CEP128: variants seen among roughly 807,000 people sequenced by gnomAD.
CEP128 encodes centrosomal protein 128kDa.
In CEP128, 132 loss-of-function variants were observed where a neutral mutation model predicts 156.7. That is an observed-to-expected ratio of 0.84 (90% CI 0.73 to 0.97). The LOEUF is 0.97. Ranked by LOEUF, CEP128 falls within the 50% of genes least tolerant of loss-of-function variation. The pLI is 0.00. For missense variants in CEP128, 1,252 were observed against 1,281.9 expected, an observed-to-expected ratio of 0.98 and a Z score of 0.36; for synonymous variants, 469 against 448.9, an observed-to-expected ratio of 1.04 and a Z score of -0.57.
At position 80,956,852 on chromosome 14, in the gene CEP128, C is replaced by T. The variant is rs1886720885; in HGVS notation, c.-172+1326G>A. Reference sequence around the variant, plus strand: ...TCAGAGATATCCTAGTGTCTTAGCACACCTGAATTAATTAGTTCAATAACC... The same window carrying T: ...TCAGAGATATCCTAGTGTCTTAGCATACCTGAATTAATTAGTTCAATAACC... On this transcript the variant is annotated intron_variant, in intron 2 of 7. Coordinates refer to the CEP128 transcript ENST00000555529. 4.6e-5 allele frequency among the ~76,000 whole-genome samples: 7 copies of T among 152,252 alleles called. No individual in the cohort carries two copies. The South Asian group carries it at 1.5e-3, about 32-fold the overall frequency.
At chr14:80,657,531 A>G (rs935103194) in intron 19 of CEP128, among the ~76,000 whole-genome samples, 6 of 151,964 alleles carry the variant, frequency 3.9e-5, no homozygotes, top group African/African-American at 1.5e-4. Flanking sequence ...CGCGCCTGTA[A>G]TCCCAGGTAC....
At chr14:80,533,252 A>G (rs1361635915) in intron 21 of CEP128, among the ~76,000 whole-genome samples, 1 of 152,188 alleles carries the variant, frequency 6.6e-6, no homozygotes, top group Non-Finnish European at 1.5e-5. Flanking sequence ...ATGATTTTAA[A>G]TCAAAATTTT....
At chr14:80,698,643 T>A (rs80157446) in intron 19 of CEP128, among the ~76,000 whole-genome samples, 4 of 152,106 alleles carry the variant, frequency 2.6e-5, no homozygotes, top group Non-Finnish European at 5.9e-5. Context: ...ATTAAAGGAG[T>A]CATTTGAATG....
chr14:80,906,037 T>C lies in CEP128; in HGVS notation c.279A>G (p.Gln93=), dbSNP rs113286450. 4 of 1,612,238 alleles carry C rather than the reference T, an allele frequency of 2.5e-6. No individual in the cohort carries two copies. Among genetic ancestry groups the C allele is most frequent in the African/African-American group, 2.7e-5 (2 of 74,884 alleles). The change falls in exon 5 of 25, where the codon CAA becomes CAG. Residue 93 remains glutamine (Q), a synonymous_variant. Transcript: ENST00000555265. ...TCCCTCCTGAGTTTCTCAATAAACG[T>C]TGACTCCGGAGTTGGTCGATTGATT... ...LEQSIDQLRS[Q]RLLRNSGGRS... is the part of the protein sequence containing the mutation.
At chr14:80,868,437 A>C (rs546862164) in intron 8 of CEP128, among the ~76,000 whole-genome samples, 25 of 152,196 alleles carry the variant, frequency 1.6e-4, no homozygotes, top group Non-Finnish European at 2.8e-4. Context: ...ATCAGCTTAA[A>C]ATAGATTGTT....
chr14:80,847,957 T>C (rs941758294), intron 9 of CEP128, among the ~76,000 whole-genome samples: 1 of 152,192 alleles, frequency 6.6e-6, no homozygotes, highest in Non-Finnish European at 1.5e-5. Flanking sequence ...GCAATATTTA[T>C]TCATTCATTC....
chr14:80,741,048 A>C (rs977974205), intron 19 of CEP128, among the ~76,000 whole-genome samples: 1 of 152,194 alleles, frequency 6.6e-6, no homozygotes, highest in Admixed American at 6.6e-5. Flanking sequence ...AATTATTCCA[A>C]GAAGGAAAGC....
At chr14:80,736,680 C>T (rs1270697452) in intron 19 of CEP128, among the ~76,000 whole-genome samples, 1 of 152,012 alleles carries the variant, frequency 6.6e-6, no homozygotes, top group Non-Finnish European at 1.5e-5. Flanking sequence ...TAAGTTCATC[C>T]AATAGAAGTG....
chr14:80,903,301 CA>C (rs1211415638), intron 6 of CEP128, among the ~76,000 whole-genome samples: 1 of 152,044 alleles, frequency 6.6e-6, no homozygotes, highest in Non-Finnish European at 1.5e-5. Context: ...ACTGCATATA[CA>C]TGCTAAATAA....
chr14:80,799,381 T>G (rs1331270686), intron 13 of CEP128, among the ~76,000 whole-genome samples: 1 of 152,208 alleles, frequency 6.6e-6, no homozygotes, highest in Non-Finnish European at 1.5e-5. Flanking sequence ...CTGTGATAAT[T>G]GTGTTAAGCG....
At chr14:80,934,030 T>G (rs1309439463) in intron 2 of CEP128, among the ~76,000 whole-genome samples, 1 of 152,198 alleles carries the variant, frequency 6.6e-6, no homozygotes, top group African/African-American at 2.4e-5. Context: ...GACCTACCAT[T>G]AGGATCCATG....
At chr14:80,922,911 G>T (rs1397214109) in intron 2 of CEP128, among the ~76,000 whole-genome samples, 2 of 152,156 alleles carry the variant, frequency 1.3e-5, no homozygotes, top group Admixed American at 6.5e-5. Context: ...TTCAATTGGA[G>T]AAAAAGCAGT....
At chr14:80,597,962 A>C (rs1466725826) in intron 19 of CEP128, among the ~76,000 whole-genome samples, 2 of 149,022 alleles carry the variant, frequency 1.3e-5, no homozygotes, top group Non-Finnish European at 3.0e-5. Flanking sequence ...AAAAAAAAAA[A>C]AAAAAAAACA....
intron 19 of CEP128, among the ~76,000 whole-genome samples, chr14:80,718,551 T>C (rs17111035): frequency 0.11 from 16,401 of 152,226 alleles, 1,397 homozygotes; most frequent in East Asian, 0.43. Flanking sequence ...CAGTGAGAAT[T>C]TGGAACACAG....
chr14:80,751,276 A>AT (rs1425893742), intron 18 of CEP128, among the ~76,000 whole-genome samples: 2 of 152,068 alleles, frequency 1.3e-5, no homozygotes, highest in African/African-American at 2.4e-5. Flanking sequence ...CTATAGTTAG[A>AT]TTTTTTTTAT....
chr14:80,885,213 A>G (rs1461890332), intron 8 of CEP128, among the ~76,000 whole-genome samples: 1 of 152,096 alleles, frequency 6.6e-6, no homozygotes, highest in Non-Finnish European at 1.5e-5. Flanking sequence ...AGCAGACTTA[A>G]ACGTTCCTGC....
chr14:80,948,734 T>G (rs1317283842), intron 2 of CEP128, among the ~76,000 whole-genome samples: 2 of 152,232 alleles, frequency 1.3e-5, no homozygotes, highest in Admixed American at 6.5e-5. Context: ...TTAAGGGAAC[T>G]GAGTGCACTT....
In CEP128 at chr14:80,628,704, AG is replaced by A. The variant is rs201045294; in HGVS notation, c.2807-48282del. Among the ~76,000 whole-genome samples the A allele has an allele frequency of 6.3e-4, 96 of 152,314 alleles. No individual in the cohort carries two copies. In the East Asian group the frequency reaches 6.4e-3, roughly 10 times the overall value. On this transcript the variant is annotated intron_variant, in intron 19 of 24. Transcript: ENST00000555265. Reference sequence around the variant, plus strand: ...GAGAGTAACACAATCTTTTGGCAACAGGGAATGGTTTAAGGGTAACATACCT... The same window carrying A: ...GAGAGTAACACAATCTTTTGGCAACAGGAATGGTTTAAGGGTAACATACCT...
chr14:80,526,253 AG>A (rs1555370912), intron 23 of CEP128, among the ~76,000 whole-genome samples: 1 of 152,160 alleles, frequency 6.6e-6, no homozygotes, highest in Non-Finnish European at 1.5e-5. Flanking sequence ...AAGAATGCCA[AG>A]GCTGAGAAAC....
Sources: gnomAD v4.1 joint callset for allele counts (sites outside exome capture counted in the v4.1 genomes callset) on GRCh38, gnomAD v4.1.1 for gene constraint, MANE v1.5 for transcripts, NCBI Gene and HGNC (gene_info 2026-07-23, HGNC 2026-07-21) for gene names.